FCHO2: variants seen among roughly 807,000 people sequenced by gnomAD.
The protein encoded by FCHO2 is F-BAR domain only protein 2.
In FCHO2, 43 loss-of-function variants were observed where a neutral mutation model predicts 114.1. That is an observed-to-expected ratio of 0.38 (90% CI 0.30 to 0.49). The LOEUF is 0.49. FCHO2 is among the 20% of genes least tolerant of loss of function. The pLI is 0.97. For missense variants in FCHO2, 807 were observed against 950.4 expected, an observed-to-expected ratio of 0.85 and a Z score of 1.98; for synonymous variants, 293 against 315.2, an observed-to-expected ratio of 0.93 and a Z score of 0.75.
chr5:73,084,127 T>C (rs73099958), intron 24 of FCHO2, among the ~76,000 whole-genome samples: 1,573 of 152,330 alleles, frequency 0.01, 28 homozygotes, highest in African/African-American at 0.036. Context: ...AATAAGGATG[T>C]AATTCTTGGG....
At chr5:73,006,584 C>A in intron 6 of FCHO2, 35 bp downstream of exon 6, 3 of 1,355,302 alleles carry the variant, frequency 2.2e-6, no homozygotes, top group South Asian at 1.6e-5. Flanking sequence ...GAAAACAGGG[C>A]ATTTATATTT....
intron 8 of FCHO2, among the ~76,000 whole-genome samples, chr5:73,028,501 A>G (rs1309244520): frequency 6.6e-6 from 1 of 152,146 alleles, no homozygotes; most frequent in Non-Finnish European, 1.5e-5. Flanking sequence ...CGGATAAACA[A>G]ATTGTAGTAT....
intron 17 of FCHO2, among the ~76,000 whole-genome samples, chr5:73,060,285 A>G (rs555933988): frequency 1.3e-5 from 2 of 152,156 alleles, no homozygotes; most frequent in Admixed American, 1.3e-4. Flanking sequence ...CTTCCTATAT[A>G]GTATGAAAAG....
intron 22 of FCHO2, among the ~76,000 whole-genome samples, chr5:73,080,687 T>C (rs1205385710): frequency 6.6e-6 from 1 of 152,128 alleles, no homozygotes; most frequent in East Asian, 1.9e-4. Flanking sequence ...AGAAAAATAC[T>C]TAAAGAACAA....
At chr5:73,014,029 G>A (rs1350778216) in intron 6 of FCHO2, among the ~76,000 whole-genome samples, 1 of 151,934 alleles carries the variant, frequency 6.6e-6, no homozygotes, top group African/African-American at 2.4e-5. Flanking sequence ...GGCAAGCAGT[G>A]GTTTCCTCTC....
chr5:72,969,609 T>G (rs1348420932), intron 2 of FCHO2, among the ~76,000 whole-genome samples: 1 of 152,200 alleles, frequency 6.6e-6, no homozygotes, highest in African/African-American at 2.4e-5. Flanking sequence ...CTGTCTACTT[T>G]GCAACCATCA....
Position 72,990,524 on chromosome 5 carries a change from T to A in FCHO2, c.247T>A (p.Leu83Ile). The A allele has an allele frequency of 6.5e-7, 1 of 1,538,248 alleles. No homozygotes were observed. Among genetic ancestry groups the A allele is most frequent in the South Asian group, 1.2e-5 (1 of 80,330 alleles). The change falls in exon 4 of 26, where the codon TTA (leucine) becomes ATA (isoleucine). Residue 83 changes from leucine (L) to isoleucine (I), a missense_variant. By Grantham distance (5) the Leu-to-Ile change is conservative. Coordinates refer to ENST00000430046, the MANE Select transcript of FCHO2 (RefSeq NM_138782.3). ...TGTATTCAAAACATCTACAGAGAAA[T>A]TAGCAAATTGTCACTTGGATCTTGT... ...WDVFKTSTEKLANCHLDLVRK... is the reference protein window; with the variant it reads ...WDVFKTSTEKIANCHLDLVRK...
rs770031683 is a variant in FCHO2 at position 73,078,320 on chromosome 5, TC to T, written c.1980+9del. ...GATGTATTAAAGTATCAGGTGAGTG[TC>T]ACGACATTGCAAAAATTCTAAATTA... On this transcript the variant is annotated intron_variant, in intron 22 of 25. Transcript: ENST00000430046. 6.3e-7 allele frequency: 1 copy of T among 1,581,116 alleles called. No individual in the cohort carries two copies. Among genetic ancestry groups the T allele is most frequent in the Non-Finnish European group, 8.6e-7 (1 of 1,168,782 alleles).
At chr5:72,990,261 A>G (rs1304173219) in intron 3 of FCHO2, among the ~76,000 whole-genome samples, 1 of 152,080 alleles carries the variant, frequency 6.6e-6, no homozygotes, top group East Asian at 1.9e-4. Context: ...TAATTAACCC[A>G]TTTCTATATT....
intron 6 of FCHO2, among the ~76,000 whole-genome samples, chr5:73,008,112 G>C (rs576876060): frequency 1.3e-5 from 2 of 152,262 alleles, no homozygotes; most frequent in African/African-American, 4.8e-5. Flanking sequence ...CATTAGGTTG[G>C]TGCAAAAGTA....
chr5:73,071,629 A>G (rs896806493), intron 19 of FCHO2, among the ~76,000 whole-genome samples: 7 of 152,104 alleles, frequency 4.6e-5, no homozygotes, highest in African/African-American at 1.7e-4. Context: ...TATTTCTAAG[A>G]AATTATTTAT....
intron 9 of FCHO2, among the ~76,000 whole-genome samples, chr5:73,036,673 G>A (rs1039308614): frequency 6.6e-6 from 1 of 152,038 alleles, no homozygotes; most frequent in African/African-American, 2.4e-5. Flanking sequence ...ACTGCACCTG[G>A]CCCCATATTA....
In FCHO2 at chr5:72,980,458, A is replaced by G. The variant is rs181102920; in HGVS notation, c.126-8969A>G. Among the ~76,000 whole-genome samples, 284 of 152,286 alleles carry G rather than the reference A, an allele frequency of 1.9e-3. 1 individual carries two copies. Among genetic ancestry groups the G allele is most frequent in the Middle Eastern group, 3.4e-3 (1 of 294 alleles). ...GGGGAGGGTTCTGTAGATGTCTATT[A>G]GGTCTGCTTGGTCCAGAGCTGAGTT... On this transcript the variant is annotated intron_variant, in intron 2 of 25. Transcript: ENST00000430046.
chr5:73,045,426 A>G (rs1323038631), intron 11 of FCHO2, among the ~76,000 whole-genome samples: 1 of 152,210 alleles, frequency 6.6e-6, no homozygotes, highest in Non-Finnish European at 1.5e-5. Context: ...TGTGGTACAT[A>G]TGAATAGTTT....
Position 72,968,546 on chromosome 5 carries a change from G to A in FCHO2, c.82G>A (p.Gly28Arg). 1 of 1,546,806 alleles carries A rather than the reference G, an allele frequency of 6.5e-7. No individual in the cohort carries two copies. Among genetic ancestry groups the A allele is most frequent in the East Asian group, 2.4e-5 (1 of 41,064 alleles). Residue 28 changes from glycine (G) to arginine (R), a missense_variant, in exon 2 of 26, where the codon GGA becomes AGA. Gly to Arg is a moderately radical substitution (Grantham distance 125). Coordinates refer to ENST00000430046, the MANE Select transcript of FCHO2 (RefSeq NM_138782.3). The part of the protein sequence containing the change: ...FDVLYHNMKH[G>R]QISTKELADF... ...TGTCCTCTACCATAATATGAAACAT[G>A]GACAGATATCAACAAAAGAACTAGC... is the stretch of plus-strand genomic sequence containing the variant.
chr5:73,081,636 G>T, intron 22 of FCHO2, 147 bp from the exon 23 acceptor site: 1 of 490,356 alleles, frequency 2.0e-6, no homozygotes. Context: ...ACTCCTTTGA[G>T]ATAGGTCTGC....
rs1399507695 is a variant in FCHO2, at chr5:73,077,751, G to A, written c.1847+258G>A. On this transcript the variant is annotated intron_variant, in intron 21 of 25. Coordinates refer to ENST00000430046, the MANE Select transcript of FCHO2 (RefSeq NM_138782.3). ...TGTAGTCCCAGCTACTCAGGAGGCTGAGGTGGGAGAATCGCTTGAGCCTAG... is the reference window on the plus strand; with the variant it reads ...TGTAGTCCCAGCTACTCAGGAGGCTAAGGTGGGAGAATCGCTTGAGCCTAG... Among the ~76,000 whole-genome samples the A allele has an allele frequency of 5.3e-5, 8 of 152,198 alleles. No individual in the cohort carries two copies. The East Asian group carries it at 1.3e-3, about 26-fold the overall frequency.
chr5:73,031,250 TCATGCACA>T (rs1282438078), intron 8 of FCHO2, among the ~76,000 whole-genome samples: 2 of 152,226 alleles, frequency 1.3e-5, no homozygotes, highest in Non-Finnish European at 2.9e-5. Flanking sequence ...CTTTCCTTGC[TCATGCACA>T]CATGCACACA....
At position 73,029,980 on chromosome 5, in the gene FCHO2, A is replaced by T. The variant is rs941556747; in HGVS notation, c.797-4677A>T. ...GTACATACAAGAATTATTTTTGGAC[A>T]TTTTTTTCTTTGCATTTTTCTTTTT... On this transcript the variant is annotated intron_variant, in intron 8 of 25. Transcript: ENST00000430046. Among the ~76,000 whole-genome samples, 9 of 149,078 alleles carry T rather than the reference A, an allele frequency of 6.0e-5. No individual in the cohort carries two copies. In the East Asian group the frequency reaches 1.4e-3, roughly 23 times the overall value.
Sources: gnomAD v4.1 joint callset for allele counts (sites outside exome capture counted in the v4.1 genomes callset) on GRCh38, gnomAD v4.1.1 for gene constraint, MANE v1.5 for transcripts, NCBI Gene and HGNC (gene_info 2026-07-23, HGNC 2026-07-21) for gene names.